PTGER3: variants seen among roughly 807,000 people sequenced by gnomAD.
PTGER3 encodes prostaglandin E2 receptor EP3 subtype.
A neutral mutation model predicts 34.7 loss-of-function variants in PTGER3; 22 were observed. The observed-to-expected ratio is 0.63, with a 90% CI of 0.45 to 0.91. The LOEUF (loss-of-function observed/expected upper bound fraction) is 0.91. Among genes scored for constraint, PTGER3 ranks in the 40% least tolerant of loss-of-function variants. The probability of loss-of-function intolerance (pLI) is 0.00; values close to 1 mark genes in which losing one functional copy is unlikely to be tolerated. For missense variants in PTGER3, 468 were observed against 519.4 expected, an observed-to-expected ratio of 0.90 and a Z score of 0.96; for synonymous variants, 241 against 230.1, an observed-to-expected ratio of 1.05 and a Z score of -0.43.
chr1:70,970,705 A>G (rs1182165495), downstream of PTGER3: 1 of 304,414 alleles, frequency 3.3e-6, no homozygotes, highest in Non-Finnish European at 4.8e-6. Flanking sequence ...AAAAAAGGAC[A>G]AGAAGAAGAA....
At chr1:70,917,783 A>G (rs1257987568) in intron 4 of PTGER3, among the ~76,000 whole-genome samples, 2 of 151,940 alleles carry the variant, frequency 1.3e-5, no homozygotes, top group African/African-American at 4.8e-5. Context: ...TTTAATTTGC[A>G]ATTTCCTGAT....
chr1:70,952,337 G>T, downstream of PTGER3: 1 of 860,520 alleles, frequency 1.2e-6, no homozygotes, highest in Non-Finnish European at 1.4e-6. Context: ...CTTCCTTAAA[G>T]CCCCTTCTAC....
chr1:71,047,621 G>T lies in PTGER3; in HGVS notation c.-44C>A. The T allele has an allele frequency of 2.0e-6, 3 of 1,474,804 alleles. No individual in the cohort carries two copies. Among genetic ancestry groups the T allele is most frequent in the Non-Finnish European group, 2.7e-6 (3 of 1,108,038 alleles). The allele number at this position is 1,474,804 out of a possible 1,614,324, so 91.4% of individuals were successfully genotyped here. ...AGGGGATGGCGTCCAGAGAGCCGCAGCGGGAGGGGGCAGACGCGGCGCGGG... is the reference window on the plus strand; with the variant it reads ...AGGGGATGGCGTCCAGAGAGCCGCATCGGGAGGGGGCAGACGCGGCGCGGG... On this transcript the variant is annotated 5_prime_UTR_variant, in exon 1 of 4. In the 5' UTR this introduces an upstream ATG that the reference lacks. Transcript: ENST00000306666.
intron 4 of PTGER3, among the ~76,000 whole-genome samples, chr1:70,895,853 T>C (rs1233673314): frequency 6.6e-6 from 1 of 152,196 alleles, no homozygotes; most frequent in African/African-American, 2.4e-5. Context: ...GTTTAAGCAG[T>C]GGACAAACAG....
At chr1:70,901,239 A>T (rs1461136749) in intron 4 of PTGER3, among the ~76,000 whole-genome samples, 1 of 152,166 alleles carries the variant, frequency 6.6e-6, no homozygotes, top group Non-Finnish European at 1.5e-5. Context: ...AATGCTCACA[A>T]ATCTAAGCTG....
chr1:70,869,517 C>A (rs974649514), intron 4 of PTGER3, among the ~76,000 whole-genome samples: 13 of 152,268 alleles, frequency 8.5e-5, no homozygotes, highest in Admixed American at 3.3e-4. Context: ...AAGTCTAAGT[C>A]CAAAGTTTCA....
chr1:71,006,894 C>A (rs1657015242), intron 2 of PTGER3: 1 of 985,256 alleles, frequency 1.0e-6, no homozygotes, highest in Non-Finnish European at 1.2e-6. Context: ...CATTGACAAA[C>A]ACGACATAAA....
intron 2 of PTGER3, chr1:71,009,735 A>T: frequency 1.0e-6 from 1 of 985,134 alleles, no homozygotes; most frequent in Non-Finnish European, 1.2e-6. Context: ...AATTGTCATA[A>T]TCTATACATG....
intron 4 of PTGER3, among the ~76,000 whole-genome samples, chr1:70,875,678 G>A (rs1447946208): frequency 1.6e-4 from 24 of 152,096 alleles, no homozygotes; most frequent in Non-Finnish European, 3.5e-4. Context: ...TTATGGTCAT[G>A]TGTACCCAGT....
chr1:71,010,700 A>G, intron 2 of PTGER3: 1 of 984,340 alleles, frequency 1.0e-6, no homozygotes, highest in Non-Finnish European at 1.2e-6. Flanking sequence ...AGTATAGTCT[A>G]TTTATCACCT....
chr1:70,879,663 T>C (rs983552196), intron 4 of PTGER3, among the ~76,000 whole-genome samples: 1 of 152,212 alleles, frequency 6.6e-6, no homozygotes, highest in East Asian at 1.9e-4. Context: ...TCTGTTCCTT[T>C]ACTTTGAATC....
At chr1:70,862,971 G>T (rs1645959602) in intron 4 of PTGER3, among the ~76,000 whole-genome samples, 4 of 152,070 alleles carry the variant, frequency 2.6e-5, no homozygotes, top group Admixed American at 1.3e-4. Context: ...TCCAGGCAAG[G>T]CAGGAAAGTT....
rs1660963427 is a variant in PTGER3, at chr1:71,047,485, G to A, written c.93C>T (p.Ala31=). ...GGCGCGTGAGGTTGCCCCGCGCCTC[G>A]GCGGAACGCTCGGGCGCCCACATGC... is the stretch of plus-strand genomic sequence containing the variant. The part of the protein sequence containing the change: ...YTGMWAPERS[A]EARGNLTRPP... The change falls in exon 1 of 4, where the codon GCC becomes GCT. Residue 31 remains alanine (A), a synonymous_variant. Coordinates refer to ENST00000306666, the MANE Select transcript of PTGER3 (RefSeq NM_198719.2). 7 of 1,607,318 alleles carry A rather than the reference G, an allele frequency of 4.4e-6. No homozygotes were observed. The highest frequency in any genetic ancestry group is 1.3e-5 in the African/African-American group (1 of 74,926).
chr1:70,980,522 G>A (rs1205801175), intron 2 of PTGER3, among the ~76,000 whole-genome samples: 1 of 151,992 alleles, frequency 6.6e-6, no homozygotes, highest in Admixed American at 6.6e-5. Context: ...CCAGTGCTTT[G>A]GGAGACCTAG....
intron 2 of PTGER3, chr1:70,953,934 TAAAC>T: frequency 2.1e-6 from 1 of 475,452 alleles, no homozygotes. Flanking sequence ...TAGCAAAAGA[TAAAC>T]AACATGGGCA....
intron 2 of PTGER3, among the ~76,000 whole-genome samples, chr1:70,977,561 C>T (rs1485821338): frequency 6.6e-6 from 1 of 152,006 alleles, no homozygotes; most frequent in African/African-American, 2.4e-5. Flanking sequence ...ATTTCAAGGC[C>T]AGAAGTGTAA....
chr1:71,046,142 G>A (rs1319992481), intron 1 of PTGER3, among the ~76,000 whole-genome samples: 2 of 151,444 alleles, frequency 1.3e-5, no homozygotes, highest in Admixed American at 6.6e-5. Context: ...AAAATTAGCC[G>A]GGCGTGGTGG....
At chr1:70,995,644 CTT>C (rs1486275362) in intron 2 of PTGER3, among the ~76,000 whole-genome samples, 7 of 152,026 alleles carry the variant, frequency 4.6e-5, no homozygotes, top group Non-Finnish European at 1.0e-4. Flanking sequence ...TGATATATGT[CTT>C]AATCTCAATT....
chr1:70,902,488 C>T (rs1646860833), intron 4 of PTGER3, among the ~76,000 whole-genome samples: 1 of 152,180 alleles, frequency 6.6e-6, no homozygotes, highest in Non-Finnish European at 1.5e-5. Context: ...GAGAAGCAGA[C>T]AGGTGCTCAG....
Sources: allele counts gnomAD v4.1 joint callset (sites outside exome capture counted in the v4.1 genomes callset), GRCh38; gene constraint gnomAD v4.1.1; transcripts MANE v1.5; gene names NCBI Gene and HGNC (gene_info 2026-07-23, HGNC 2026-07-21).